Variants in C3orf20 observed in about 807,000 individuals in gnomAD.
The protein encoded by C3orf20 is family with sequence similarity 149 member C, also known as uncharacterized protein C3orf20.
In C3orf20, 76 loss-of-function variants were observed where a neutral mutation model predicts 88.3. The ratio of observed to expected loss-of-function variants is 0.86; its 90% CI spans 0.72 to 1.04. The LOEUF is 1.04. C3orf20 is among the 50% of genes least tolerant of loss of function. C3orf20 has a pLI of 0.00. For synonymous variants in C3orf20, 436 were observed against 437.4 expected (o/e 1.00, Z 0.04); for missense variants, 1,056 against 1,123.3 (o/e 0.94, Z 0.86).
chr3:14,771,582 G>A (rs773776690), intron 15 of C3orf20, among the ~76,000 whole-genome samples: 2 of 152,236 alleles, frequency 1.3e-5, no homozygotes, highest in Non-Finnish European at 2.9e-5. Flanking sequence ...CACCAGTTAT[G>A]TTGGATTGGA....
intron 1 of C3orf20, among the ~76,000 whole-genome samples, chr3:14,681,004 C>G (rs1050409200): frequency 6.6e-6 from 1 of 152,250 alleles, no homozygotes; most frequent in Non-Finnish European, 1.5e-5. Flanking sequence ...TATCTGCAAA[C>G]CAGCAGGATG....
intron 1 of C3orf20, among the ~76,000 whole-genome samples, chr3:14,677,947 A>T (rs1053445320): frequency 1.0e-5 from 1 of 99,566 alleles, no homozygotes; most frequent in African/African-American, 3.2e-5. Context: ...AGCACCCTAC[A>T]ATGCAGATGC....
chr3:14,712,621 A>G (rs1403300199), intron 7 of C3orf20, among the ~76,000 whole-genome samples: 1 of 152,188 alleles, frequency 6.6e-6, no homozygotes. Flanking sequence ...GCCCATTAAC[A>G]TAGGTTTACA....
chr3:14,749,183 C>T (rs979568605), intron 12 of C3orf20, among the ~76,000 whole-genome samples: 1 of 152,136 alleles, frequency 6.6e-6, no homozygotes, highest in African/African-American at 2.4e-5. Context: ...GAGTAACTGT[C>T]TTCTAAATAC....
Position 14,738,963 on chromosome 3 carries a change from G to A in C3orf20, c.1940+10275G>A, listed in dbSNP as rs576781691. On this transcript the variant is annotated intron_variant, in intron 12 of 16. Transcript: ENST00000253697. ...GAGCCATTGTGCCCAGCCAATTTTTGTATTTTTAGTAGAGACGGGGTTTCG... is the reference window on the plus strand; with the variant it reads ...GAGCCATTGTGCCCAGCCAATTTTTATATTTTTAGTAGAGACGGGGTTTCG... Among the ~76,000 whole-genome samples, 31 of 149,758 alleles carry A rather than the reference G, an allele frequency of 2.1e-4. No homozygotes were observed. In the South Asian group the frequency reaches 3.6e-3, roughly 18 times the overall value.
intron 12 of C3orf20, among the ~76,000 whole-genome samples, chr3:14,753,627 G>GT (rs1011830052): frequency 1.3e-5 from 2 of 151,824 alleles, no homozygotes; most frequent in African/African-American, 2.4e-5. Context: ...CATACCTCAG[G>GT]TTTTTTTTGT....
rs773555701 is a variant in C3orf20, at chr3:14,759,923, T to C, written c.2277T>C (p.Tyr759=). ...CRYDSYRLLQ[Y]DLDSPLQEDP... ...ATGACTCCTACCGCCTGCTGCAGTA[T>C]GACCTGGACAGCCCCCTGCAGGAGG... is the stretch of plus-strand genomic sequence containing the variant. The change falls in exon 14 of 17, where the codon TAT becomes TAC. Residue 759 remains tyrosine (Y), a synonymous_variant. Transcript: ENST00000253697. 6.2e-7 allele frequency: 1 copy of C among 1,614,132 alleles called. No individual in the cohort carries two copies. The highest frequency in any genetic ancestry group is 8.5e-7 in the Non-Finnish European group (1 of 1,179,996).
intron 10 of C3orf20, 136 bp from the exon 11 acceptor site, chr3:14,726,765 G>A (rs2034362422): frequency 8.7e-7 from 1 of 1,150,892 alleles, no homozygotes; most frequent in Non-Finnish European, 1.2e-6. Flanking sequence ...GAGGGAGAGA[G>A]GTGTGTTCCA....
chr3:14,713,196 T>C (rs2124957087), intron 7 of C3orf20, among the ~76,000 whole-genome samples: 1 of 152,328 alleles, frequency 6.6e-6, no homozygotes, highest in African/African-American at 2.4e-5. Flanking sequence ...TTATTGTCTT[T>C]CATCAAATTT....
chr3:14,770,311 C>T (rs561033947), intron 15 of C3orf20, among the ~76,000 whole-genome samples: 8 of 152,250 alleles, frequency 5.3e-5, no homozygotes, highest in South Asian at 2.1e-4. Flanking sequence ...CACATGTAAA[C>T]GTTGTGCATA....
chr3:14,729,853 A>C (rs1462315527), intron 12 of C3orf20, among the ~76,000 whole-genome samples: 1 of 152,218 alleles, frequency 6.6e-6, no homozygotes, highest in African/African-American at 2.4e-5. Context: ...CCTGGGATTT[A>C]TCTCTTTTTA....
At chr3:14,759,423 C>T (rs770865044) in intron 13 of C3orf20, among the ~76,000 whole-genome samples, 1 of 152,136 alleles carries the variant, frequency 6.6e-6, no homozygotes, top group African/African-American at 2.4e-5. Context: ...TTCAGGTCCT[C>T]TCCCTGGATA....
intron 12 of C3orf20, among the ~76,000 whole-genome samples, chr3:14,750,708 A>G (rs2035195102): frequency 6.6e-6 from 1 of 152,098 alleles, no homozygotes; most frequent in Non-Finnish European, 1.5e-5. Flanking sequence ...GAACTTGATG[A>G]GTTGCTTCTC....
At chr3:14,763,930 A>G (rs2035628645) in intron 15 of C3orf20, among the ~76,000 whole-genome samples, 1 of 152,252 alleles carries the variant, frequency 6.6e-6, no homozygotes, top group Non-Finnish European at 1.5e-5. Flanking sequence ...TATGCTTACA[A>G]CAGTCTTCAA....
At chr3:14,698,549 T>C (rs1012799125) in intron 5 of C3orf20, among the ~76,000 whole-genome samples, 1 of 152,236 alleles carries the variant, frequency 6.6e-6, no homozygotes, top group African/African-American at 2.4e-5. Flanking sequence ...TTGGTGATCT[T>C]GGATAAGATC....
chr3:14,722,316 T>C (rs2034192251), intron 10 of C3orf20: 2 of 373,564 alleles, frequency 5.4e-6, no homozygotes, highest in Non-Finnish European at 5.4e-6. Context: ...CTCTATTAAC[T>C]GCCCATGCGT....
intron 15 of C3orf20, among the ~76,000 whole-genome samples, chr3:14,769,608 T>A (rs2035807198): frequency 6.6e-6 from 1 of 152,028 alleles, no homozygotes. Context: ...TCTAGTTGGA[T>A]CAGCAGATTC....
At chr3:14,738,815 G>GTTTTTTTTTTTTTT (rs71038433) in intron 12 of C3orf20, among the ~76,000 whole-genome samples, 1 of 97,766 alleles carries the variant, frequency 1.0e-5, no homozygotes, top group Non-Finnish European at 2.1e-5. Flanking sequence ...TAATTTTTTT[G>GTTTTTTTTTTTTTT]TTTTTTTTTT....
rs1048952249 is a variant in C3orf20 at position 14,772,566 on chromosome 3, C to T, written c.2631-225C>T. The stretch of plus-strand genomic sequence containing the variant: ...GTAACCATGAAATGAATCACACATT[C>T]GGCATGGCGTGGAAATCACATATTT... On this transcript the variant is annotated intron_variant, in intron 16 of 16. Coordinates refer to ENST00000253697, the MANE Select transcript of C3orf20 (RefSeq NM_032137.5). The surrounding 1 kb of genome is among the most constrained non-coding windows in gnomAD (Gnocchi z 4.2). Among the ~76,000 whole-genome samples the T allele has an allele frequency of 3.3e-5, 5 of 152,218 alleles. No individual in the cohort carries two copies. The highest frequency in any genetic ancestry group is 1.9e-4 in the East Asian group (1 of 5,192).
Sources: allele counts gnomAD v4.1 joint callset (sites outside exome capture counted in the v4.1 genomes callset), GRCh38; gene constraint gnomAD v4.1.1; non-coding constraint Gnocchi (gnomAD v3.1); transcripts MANE v1.5; gene names NCBI Gene and HGNC (gene_info 2026-07-23, HGNC 2026-07-21).